The following NKAIN2 variants were observed in gnomAD, a reference collection of about 807,000 sequenced individuals.
NKAIN2 encodes the protein sodium/potassium transporting ATPase interacting 2.
Under a neutral mutation model 32.6 loss-of-function variants are expected in NKAIN2, and 14 were observed. That is an observed-to-expected ratio of 0.43 (90% CI 0.28 to 0.67). NKAIN2 has a LOEUF of 0.67. Among genes scored for constraint, NKAIN2 ranks in the 30% least tolerant of loss-of-function variants. NKAIN2 has a pLI of 0.17. For missense variants in NKAIN2, 198 were observed against 258.3 expected, an observed-to-expected ratio of 0.77 and a Z score of 1.60; for synonymous variants, 80 against 87.2, an observed-to-expected ratio of 0.92 and a Z score of 0.46.
intron 3 of NKAIN2, among the ~76,000 whole-genome samples, chr6:124,519,328 A>G (rs1448135177): frequency 6.6e-6 from 1 of 152,206 alleles, no homozygotes; most frequent in Non-Finnish European, 1.5e-5. Flanking sequence ...TCTCTCAGTA[A>G]GGTGTAGTTC....
chr6:124,267,578 A>C, intron 1 of NKAIN2, among the ~76,000 whole-genome samples: 1 of 152,114 alleles, frequency 6.6e-6, no homozygotes, highest in East Asian at 1.9e-4. Context: ...TAATGGTATA[A>C]TACAGTGGAT....
At chr6:124,723,384 C>T (rs1180510077) in intron 4 of NKAIN2, among the ~76,000 whole-genome samples, 1 of 152,052 alleles carries the variant, frequency 6.6e-6, no homozygotes, top group Non-Finnish European at 1.5e-5. Context: ...GGGTGAGTAT[C>T]ACATATATAA....
At chr6:124,368,314 C>T (rs369748151) in intron 3 of NKAIN2, among the ~76,000 whole-genome samples, 3 of 152,128 alleles carry the variant, frequency 2.0e-5, no homozygotes, top group African/African-American at 2.4e-5. Context: ...CTTGTTTCCT[C>T]TCATAACTTG....
At chr6:124,500,688 T>A (rs758974801) in intron 3 of NKAIN2, among the ~76,000 whole-genome samples, 10 of 150,436 alleles carry the variant, frequency 6.6e-5, no homozygotes, top group African/African-American at 2.2e-4. Context: ...AAATAAATAA[T>A]AAAATAAATA....
intron 1 of NKAIN2, among the ~76,000 whole-genome samples, chr6:124,265,159 G>A (rs1314513830): frequency 6.6e-6 from 1 of 151,822 alleles, no homozygotes; most frequent in Non-Finnish European, 1.5e-5. Context: ...TTTTTTTCAA[G>A]TGACTTCATT....
At chr6:123,948,748 A>G (rs1170803341) in intron 1 of NKAIN2, among the ~76,000 whole-genome samples, 1 of 151,714 alleles carries the variant, frequency 6.6e-6, no homozygotes, top group Non-Finnish European at 1.5e-5. Flanking sequence ...TCTGCTGTGC[A>G]GAAGCTTTTT....
intron 3 of NKAIN2, among the ~76,000 whole-genome samples, chr6:124,358,686 G>A (rs940636475): frequency 6.6e-6 from 1 of 152,108 alleles, no homozygotes; most frequent in African/African-American, 2.4e-5. Flanking sequence ...TTTGTCAGAT[G>A]AGTAGATTGC....
intron 2 of NKAIN2, among the ~76,000 whole-genome samples, chr6:124,325,157 C>T (rs1025718598): frequency 1.3e-5 from 2 of 152,020 alleles, no homozygotes; most frequent in Non-Finnish European, 2.9e-5. Flanking sequence ...TATTTAAAAG[C>T]TTCCATAAGG....
chr6:124,637,259 A>G (rs1783806908), intron 3 of NKAIN2, among the ~76,000 whole-genome samples: 1 of 152,116 alleles, frequency 6.6e-6, no homozygotes, highest in East Asian at 1.9e-4. Flanking sequence ...TGAAGGCAAT[A>G]TAAGACAAAA....
chr6:124,662,537 T>C (rs1344674688), intron 4 of NKAIN2, among the ~76,000 whole-genome samples: 9 of 152,228 alleles, frequency 5.9e-5, no homozygotes, highest in Non-Finnish European at 1.2e-4. Context: ...AAATTATTTT[T>C]CAACAGATTG....
intron 1 of NKAIN2, among the ~76,000 whole-genome samples, chr6:123,970,981 CTG>C (rs909591100): frequency 6.6e-6 from 1 of 152,070 alleles, no homozygotes; most frequent in African/African-American, 2.4e-5. Flanking sequence ...AAGTCATAAA[CTG>C]TGGTGGTCCT....
At chr6:124,671,067 A>G (rs1236824368) in intron 4 of NKAIN2, among the ~76,000 whole-genome samples, 1 of 152,064 alleles carries the variant, frequency 6.6e-6, no homozygotes, top group African/African-American at 2.4e-5. Flanking sequence ...ACCTGCAGCA[A>G]GCAGCTGTAC....
chr6:124,594,489 A>G (rs1359279042), intron 3 of NKAIN2, among the ~76,000 whole-genome samples: 4 of 152,220 alleles, frequency 2.6e-5, no homozygotes, highest in African/African-American at 9.6e-5. Context: ...TAGAATAAGC[A>G]CTGAAATATG....
At chr6:124,210,927 T>TGATAAATACTTA (rs1791142334) in intron 1 of NKAIN2, among the ~76,000 whole-genome samples, 1 of 150,402 alleles carries the variant, frequency 6.6e-6, no homozygotes, top group Admixed American at 6.6e-5. Flanking sequence ...TTAGATACTC[T>TGATAAATACTTA]TTATTTACTT....
At chr6:123,945,248 T>C (rs1407236093) in intron 1 of NKAIN2, among the ~76,000 whole-genome samples, 1 of 152,034 alleles carries the variant, frequency 6.6e-6, no homozygotes, top group Non-Finnish European at 1.5e-5. Flanking sequence ...CTCTAACTGG[T>C]CAAGATTAGT....
At position 124,245,802 on chromosome 6, in the gene NKAIN2, C is replaced by T. The variant is rs1222757927; in HGVS notation, c.55-37203C>T. ...TCACATGCATCACATCCTTTCTATA[C>T]TTCAGTATCAAATCTGTGAAAGGGG... On this transcript the variant is annotated intron_variant, in intron 1 of 6. Coordinates refer to ENST00000368417, the MANE Select transcript of NKAIN2 (RefSeq NM_001040214.3). Among the ~76,000 whole-genome samples, 3 of 151,990 alleles carry T rather than the reference C, an allele frequency of 2.0e-5. No homozygotes were observed. The East Asian group carries it at 5.8e-4, about 29-fold the overall frequency.
At chr6:124,496,022 G>A (rs987025253) in intron 3 of NKAIN2, among the ~76,000 whole-genome samples, 28 of 152,226 alleles carry the variant, frequency 1.8e-4, no homozygotes, top group African/African-American at 5.1e-4. Context: ...TTAAGATGCC[G>A]TGACAGCTCT....
At position 124,040,034 on chromosome 6, in the gene NKAIN2, T is replaced by C. The variant is rs574204303; in HGVS notation, c.54+235780T>C. On this transcript the variant is annotated intron_variant, in intron 1 of 6. Coordinates refer to ENST00000368417, the MANE Select transcript of NKAIN2 (RefSeq NM_001040214.3). ...TGTGCTGATAATCTGGATTCAGTAA[T>C]CAATGGCTGTTATTTATTACAAGTG... Among the ~76,000 whole-genome samples, 19 of 152,082 alleles carry C rather than the reference T, an allele frequency of 1.2e-4. 2 individuals carry two copies. The South Asian group carries it at 4.0e-3, about 32-fold the overall frequency.
At chr6:124,533,781 T>C (rs1779615929) in intron 3 of NKAIN2, among the ~76,000 whole-genome samples, 1 of 152,208 alleles carries the variant, frequency 6.6e-6, no homozygotes, top group African/African-American at 2.4e-5. Flanking sequence ...CAAACCTTTA[T>C]TTCCCACAGT....
Sources: gnomAD v4.1 joint callset for allele counts (sites outside exome capture counted in the v4.1 genomes callset) on GRCh38, gnomAD v4.1.1 for gene constraint, MANE v1.5 for transcripts, NCBI Gene and HGNC (gene_info 2026-07-23, HGNC 2026-07-21) for gene names.